The following NRXN1 variants were observed in gnomAD, a reference collection of about 807,000 sequenced individuals.
NRXN1 encodes the protein neurexin-1.
NRXN1 carries 39 observed loss-of-function variants against 150.9 expected under a neutral mutation model. The ratio of observed to expected loss-of-function variants is 0.26; its 90% CI spans 0.20 to 0.34. The LOEUF (loss-of-function observed/expected upper bound fraction) is 0.34. Ranked by LOEUF, NRXN1 falls within the 10% of genes least tolerant of loss-of-function variation. The pLI, the probability that NRXN1 is intolerant of heterozygous loss-of-function variation, is 1.00. For synonymous variants in NRXN1, 924 were observed against 757.0 expected (o/e 1.22, Z -3.62); for missense variants, 1,815 against 1,949.9 (o/e 0.93, Z 1.30).
chr2:50,557,874 G>T (rs1323507292), intron 8 of NRXN1, among the ~76,000 whole-genome samples: 1 of 152,298 alleles, frequency 6.6e-6, no homozygotes, highest in African/African-American at 2.4e-5. Context: ...CAGGATCAAA[G>T]GTATTCAGCA....
intron 5 of NRXN1, among the ~76,000 whole-genome samples, chr2:50,637,366 G>A (rs1683382905): frequency 6.6e-6 from 1 of 152,008 alleles, no homozygotes; most frequent in African/African-American, 2.4e-5. Flanking sequence ...GTATCTGAAG[G>A]GTAGTATAAA....
At chr2:50,714,659 T>C (rs1421050164) in intron 5 of NRXN1, among the ~76,000 whole-genome samples, 2 of 152,146 alleles carry the variant, frequency 1.3e-5, no homozygotes, top group Non-Finnish European at 2.9e-5. Flanking sequence ...AGAATCAAAA[T>C]ATACCAAATT....
At chr2:50,441,950 G>T (rs6709149) in intron 17 of NRXN1, among the ~76,000 whole-genome samples, 1 of 152,120 alleles carries the variant, frequency 6.6e-6, no homozygotes, top group African/African-American at 2.4e-5. Context: ...CTCTTTCCAA[G>T]CACTGTTATA....
At chr2:51,022,355 G>T (rs958687528) in intron 2 of NRXN1, among the ~76,000 whole-genome samples, 2 of 152,034 alleles carry the variant, frequency 1.3e-5, no homozygotes, top group African/African-American at 4.8e-5. Flanking sequence ...GTTTGAGTTT[G>T]CCACTTGAAA....
chr2:50,648,134 CA>C (rs1685092431), intron 5 of NRXN1, among the ~76,000 whole-genome samples: 1 of 151,882 alleles, frequency 6.6e-6, no homozygotes, highest in Admixed American at 6.6e-5. Flanking sequence ...CTCCTTGTTA[CA>C]ATCAAGCCAA....
intron 5 of NRXN1, among the ~76,000 whole-genome samples, chr2:50,860,324 A>T (rs1331364483): frequency 6.6e-6 from 1 of 152,076 alleles, no homozygotes; most frequent in Non-Finnish European, 1.5e-5. Flanking sequence ...ATTTTTAAGA[A>T]TCATATACAA....
chr2:49,985,679 C>T (rs1180653378), intron 21 of NRXN1, among the ~76,000 whole-genome samples: 8 of 152,200 alleles, frequency 5.3e-5, no homozygotes, highest in Non-Finnish European at 1.5e-5. Context: ...AGTTTACCTG[C>T]AGGACACATC....
chr2:50,026,487 G>T (rs1688299773), intron 21 of NRXN1, among the ~76,000 whole-genome samples: 1 of 152,066 alleles, frequency 6.6e-6, no homozygotes, highest in Non-Finnish European at 1.5e-5. Flanking sequence ...ATCAGATCTG[G>T]CAATGTGAGA....
At chr2:50,865,405 C>T (rs1336247000) in intron 5 of NRXN1, among the ~76,000 whole-genome samples, 1 of 151,754 alleles carries the variant, frequency 6.6e-6, no homozygotes, top group African/African-American at 2.4e-5. Flanking sequence ...GTTAAATCAT[C>T]CCAGTTTTAT....
chr2:50,277,411 C>CCTTCCTCCCT lies in NRXN1; in HGVS notation c.3365-40442_3365-40441insAGGGAGGAAG, dbSNP rs1416771533. ...TTCCTTCCTTCCTTCCTCCCTCCTT[C>CCTTCCTCCCT]CCTTCCTTCCTTCCTCCCTCCCTTC... On this transcript the variant is annotated intron_variant, in intron 17 of 22. Transcript: ENST00000401669. 1.2e-4 allele frequency among the ~76,000 whole-genome samples: 8 copies of CCTTCCTCCCT among 65,014 alleles called. No individual in the cohort carries two copies. The East Asian group carries it at 4.9e-3, about 40-fold the overall frequency. 42.7% of individuals were successfully genotyped at this position (65,014 alleles called of 152,430 possible). A position where few individuals can be genotyped will look rare whatever the true frequency, so the allele number is the denominator to read the frequency against.
chr2:50,798,876 G>A (rs114433761), intron 5 of NRXN1, among the ~76,000 whole-genome samples: 3,687 of 152,232 alleles, frequency 0.024, 64 homozygotes, highest in Non-Finnish European at 0.035. Flanking sequence ...AAAATAATTT[G>A]AGAAGCATTT....
At chr2:50,906,737 A>G (rs1000478311) in intron 5 of NRXN1, among the ~76,000 whole-genome samples, 1 of 152,022 alleles carries the variant, frequency 6.6e-6, no homozygotes, top group African/African-American at 2.4e-5. Flanking sequence ...TTACATACTT[A>G]CATTATGCTT....
At chr2:50,673,843 A>G (rs1317543266) in intron 5 of NRXN1, among the ~76,000 whole-genome samples, 2 of 152,048 alleles carry the variant, frequency 1.3e-5, no homozygotes, top group African/African-American at 2.4e-5. Context: ...CAACTACACC[A>G]TGGAATACTA....
rs1671011211 is a variant in NRXN1, at chr2:51,028,606, T to G, written c.-333A>C. 2 of 270,590 alleles carry G rather than the reference T, an allele frequency of 7.4e-6. No homozygotes were observed. The highest frequency in any genetic ancestry group is 4.4e-5 in the African/African-American group (2 of 45,564). 16.8% of individuals were successfully genotyped at this position (270,590 alleles called of 1,614,324 possible). ...AAGATCAAGGGAAAGCACTGACCCA[T>G]TTGAGTCTGATTAACTAATTTAAGA... On this transcript the variant is annotated 5_prime_UTR_variant, in exon 2 of 23. An upstream start codon of the reference 5' UTR is lost. Coordinates refer to ENST00000401669, the MANE Select transcript of NRXN1 (RefSeq NM_001330078.2).
intron 17 of NRXN1, among the ~76,000 whole-genome samples, chr2:50,331,228 G>A (rs2076816485): frequency 6.6e-6 from 1 of 152,056 alleles, no homozygotes; most frequent in Non-Finnish European, 1.5e-5. Flanking sequence ...CAAGAAAGCT[G>A]CATCAAAGCT....
At chr2:51,012,406 A>G (rs1009981988) in intron 2 of NRXN1, among the ~76,000 whole-genome samples, 3 of 152,060 alleles carry the variant, frequency 2.0e-5, no homozygotes, top group African/African-American at 7.2e-5. Context: ...TTTTAGGTAT[A>G]CCATTGGACT....
intron 18 of NRXN1, among the ~76,000 whole-genome samples, chr2:50,176,654 T>C: frequency 6.6e-6 from 1 of 152,150 alleles, no homozygotes; most frequent in Non-Finnish European, 1.5e-5. Flanking sequence ...GGTCTGGAAA[T>C]AGAATGACAT....
intron 2 of NRXN1, among the ~76,000 whole-genome samples, chr2:50,983,970 T>G (rs1427628302): frequency 6.6e-6 from 1 of 151,708 alleles, no homozygotes; most frequent in Admixed American, 6.6e-5. Flanking sequence ...TATTTTTTAA[T>G]TAATCTATTT....
chr2:50,992,104 A>C (rs1477109570), intron 2 of NRXN1, among the ~76,000 whole-genome samples: 1 of 152,030 alleles, frequency 6.6e-6, no homozygotes, highest in Non-Finnish European at 1.5e-5. Flanking sequence ...AGAGACAGAA[A>C]GAGAGAGAGA....
Sources: gnomAD v4.1 joint callset for allele counts (sites outside exome capture counted in the v4.1 genomes callset) on GRCh38, gnomAD v4.1.1 for gene constraint, MANE v1.5 for transcripts, NCBI Gene and HGNC (gene_info 2026-07-23, HGNC 2026-07-21) for gene names.